EXOC1: variants seen among roughly 807,000 people sequenced by gnomAD.
EXOC1 encodes the protein SEC3-like 1.
EXOC1 carries 67 observed loss-of-function variants against 107.7 expected under a neutral mutation model. That is an observed-to-expected ratio of 0.62 (90% CI 0.51 to 0.76). EXOC1 has a LOEUF of 0.76. EXOC1 is among the 30% of genes least tolerant of loss of function. The pLI, the probability that EXOC1 is intolerant of heterozygous loss-of-function variation, is 0.00. For missense variants in EXOC1, 833 were observed against 1,055.7 expected (o/e 0.79, Z 2.92); for synonymous variants, 348 against 353.5 (o/e 0.98, Z 0.17).
intron 1 of EXOC1, among the ~76,000 whole-genome samples, chr4:55,855,031 G>C (rs1173129427): frequency 6.6e-6 from 1 of 152,182 alleles, no homozygotes; most frequent in Non-Finnish European, 1.5e-5. Context: ...AGTGTAATTA[G>C]GGTTTGGATA....
rs1722354451 is a variant in EXOC1, at chr4:55,870,771, T to G, written c.697T>G (p.Leu233Val). The G allele has an allele frequency of 6.2e-7, 1 of 1,613,754 alleles. No homozygotes were observed. The highest frequency in any genetic ancestry group is 1.1e-5 in the South Asian group (1 of 91,078). Residue 233 changes from leucine (L) to valine (V), a missense_variant, in exon 6 of 19, where the codon TTG (leucine) becomes GTG (valine). By Grantham distance (32) the Leu-to-Val change is conservative. Around this residue, in one of 2 missense-constraint regions of EXOC1, gnomAD observed 617 missense variants for 701.3 expected, o/e 0.88. Transcript: ENST00000381295. The stretch of plus-strand genomic sequence containing the variant: ...TCTAAAGGAGGTAGATCAGATTGAA[T>G]TGAAACTGAGCAGTTATGAGGAAAT... ...EALKEVDQIE[L>V]KLSSYEEMLQ...
intron 15 of EXOC1, among the ~76,000 whole-genome samples, chr4:55,895,809 TAA>T (rs75129403): frequency 0.22 from 33,540 of 152,062 alleles, 3,932 homozygotes; most frequent in East Asian, 0.48. Flanking sequence ...GAACTAAGGC[TAA>T]GTGACTAATA....
chr4:55,867,239 A>T lies in EXOC1; in HGVS notation c.416-1097A>T, dbSNP rs116059174. Among the ~76,000 whole-genome samples, 1,217 of 152,324 alleles carry T rather than the reference A, an allele frequency of 8.0e-3. 24 individuals are homozygous for T. The highest frequency in any genetic ancestry group is 0.027 in the African/African-American group (1,135 of 41,572). On this transcript the variant is annotated intron_variant, in intron 4 of 18. Coordinates refer to ENST00000381295, the MANE Select transcript of EXOC1 (RefSeq NM_001024924.2). ...TGAATTAAATGGACTCGTTGAAAGG[A>T]CAAGGAGATCGGTAATATCTCTCTA...
At chr4:55,862,373 A>T (rs1414226515) in intron 3 of EXOC1, among the ~76,000 whole-genome samples, 1 of 151,794 alleles carries the variant, frequency 6.6e-6, no homozygotes, top group Non-Finnish European at 1.5e-5. Context: ...ATATATGGAT[A>T]TAAAACATAA....
At chr4:55,876,563 A>G (rs1329240786) in intron 8 of EXOC1, 11 of 981,560 alleles carry the variant, frequency 1.1e-5, no homozygotes, top group Non-Finnish European at 1.2e-5. Context: ...TGGCTGTCAG[A>G]ATTACAGAAA....
chr4:55,854,985 A>G (rs1483852195), intron 1 of EXOC1, among the ~76,000 whole-genome samples: 1 of 152,208 alleles, frequency 6.6e-6, no homozygotes, highest in African/African-American at 2.4e-5. Flanking sequence ...ACTTTGGATT[A>G]AGATCTTCAT....
intron 14 of EXOC1, among the ~76,000 whole-genome samples, 173 bp from the exon 15 acceptor site, chr4:55,893,379 C>G (rs370304995): frequency 1.3e-5 from 2 of 152,306 alleles, no homozygotes; most frequent in South Asian, 2.1e-4. Flanking sequence ...CTTGGCCTCT[C>G]AAAGTGCTGG....
At chr4:55,903,661 A>C (rs1726272650) in intron 18 of EXOC1, among the ~76,000 whole-genome samples, 1 of 152,200 alleles carries the variant, frequency 6.6e-6, no homozygotes, top group African/African-American at 2.4e-5. Context: ...ACTTAATACT[A>C]TAATATATTC....
rs758194855 is a variant in EXOC1 at position 55,896,782 on chromosome 4, A to G, written c.2019A>G (p.Pro673=). ...ISKKSKVGIL[P]FVAEFEEFAG... Reference sequence around the variant, plus strand: ...AAAAGAGTAAAGTTGGAATTCTTCCATTTGTTGCTGAATTTGAAGAATTTG... The same window carrying G: ...AAAAGAGTAAAGTTGGAATTCTTCCGTTTGTTGCTGAATTTGAAGAATTTG... The change falls in exon 16 of 19, where the codon CCA becomes CCG. Residue 673 remains proline (P), a synonymous_variant. Coordinates refer to ENST00000381295, the MANE Select transcript of EXOC1 (RefSeq NM_001024924.2). 7 of 1,611,562 alleles carry G rather than the reference A, an allele frequency of 4.3e-6. No homozygotes were observed. Among genetic ancestry groups the G allele is most frequent in the Non-Finnish European group, 5.9e-6 (7 of 1,179,328 alleles).
intron 3 of EXOC1, among the ~76,000 whole-genome samples, chr4:55,863,997 G>A (rs1721723254): frequency 6.6e-6 from 1 of 152,138 alleles, no homozygotes; most frequent in Non-Finnish European, 1.5e-5. Flanking sequence ...GACCTAAAGG[G>A]CATAGGAAGA....
chr4:55,871,577 G>A (rs996667340), intron 7 of EXOC1, among the ~76,000 whole-genome samples: 2 of 152,104 alleles, frequency 1.3e-5, no homozygotes, highest in Non-Finnish European at 2.9e-5. Flanking sequence ...TAAAAACATA[G>A]ATTGCCTGGC....
rs1409852324 is a variant in EXOC1 at position 55,890,271 on chromosome 4, A to G, written c.1424A>G (p.Asn475Ser). The change falls in exon 12 of 19, where the codon AAT (asparagine) becomes AGT (serine). Residue 475 changes from asparagine (N) to serine (S), a missense_variant. Asn to Ser is a conservative substitution (Grantham distance 46). Around this residue, in one of 2 missense-constraint regions of EXOC1, gnomAD observed 617 missense variants for 701.3 expected, o/e 0.88. Transcript: ENST00000381295. ...GKLTGSTSSL[N>S]KLSVQSSGNR... ...TTAACTGGATCTACTTCTAGTCTAA[A>G]TAAGCTCAGTGTTCAGAGTTCAGGG... The G allele has an allele frequency of 1.9e-6, 3 of 1,614,070 alleles. No homozygotes were observed. The highest frequency in any genetic ancestry group is 2.5e-6 in the Non-Finnish European group (3 of 1,179,962).
chr4:55,871,030 G>A, intron 6 of EXOC1, 71 bp from the exon 7 acceptor site: 2 of 1,580,318 alleles, frequency 1.3e-6, no homozygotes, highest in Non-Finnish European at 1.7e-6. Context: ...CTAATGATAG[G>A]ACTGAATAGC....
At position 55,876,639 on chromosome 4, in the gene EXOC1, C is replaced by T. The variant is rs1722923882; in HGVS notation, c.1075-1278C>T. On this transcript the variant is annotated intron_variant, in intron 8 of 18. Transcript: ENST00000381295. Reference sequence around the variant, plus strand: ...GTGGTAGCTGTGAACTTCTGTTGCCCCTGTGTTCTAGTTCTTGTTATTTTG... The same window carrying T: ...GTGGTAGCTGTGAACTTCTGTTGCCTCTGTGTTCTAGTTCTTGTTATTTTG... 4.1e-6 allele frequency: 4 copies of T among 985,228 alleles called. No individual in the cohort carries two copies. In the African/African-American group the frequency reaches 5.2e-5, roughly 13 times the overall value. 61.0% of individuals were successfully genotyped at this position (985,228 alleles called of 1,614,324 possible).
rs763961614 is a variant in EXOC1 at position 55,896,928 on chromosome 4, T to G, written c.2137+28T>G. ...AAGCTTTTGTTATGTTCTAAAGAAT[T>G]GTTATAGCTATTGTTTTTATTTCTG... is the stretch of plus-strand genomic sequence containing the variant. On this transcript the variant is annotated intron_variant, in intron 16 of 18. Coordinates refer to ENST00000381295, the MANE Select transcript of EXOC1 (RefSeq NM_001024924.2). 1.7e-5 allele frequency: 26 copies of G among 1,534,148 alleles called. No homozygotes were observed. The South Asian group carries it at 3.3e-4, about 20-fold the overall frequency.
chr4:55,890,531 G>GT, intron 12 of EXOC1, 145 bp downstream of exon 12: 1 of 299,196 alleles, frequency 3.3e-6, no homozygotes, highest in East Asian at 4.7e-5. Context: ...TCGAATCTGG[G>GT]AAAAAAAAAA....
chr4:55,878,764 C>T (rs564289195), intron 9 of EXOC1, among the ~76,000 whole-genome samples: 2 of 152,198 alleles, frequency 1.3e-5, no homozygotes, highest in South Asian at 4.1e-4. Context: ...AAAATACACG[C>T]TTGTCCTAGA....
intron 8 of EXOC1, among the ~76,000 whole-genome samples, 156 bp downstream of exon 8, chr4:55,872,114 C>T (rs1441374802): frequency 1.3e-5 from 2 of 152,158 alleles, no homozygotes; most frequent in Admixed American, 6.5e-5. Flanking sequence ...CCTCTTTGCT[C>T]ATAGATGTAC....
At chr4:55,887,787 T>C (rs1472827200) in intron 10 of EXOC1, among the ~76,000 whole-genome samples, 2 of 151,530 alleles carry the variant, frequency 1.3e-5, no homozygotes, top group Admixed American at 6.6e-5. Flanking sequence ...CTGCTGAACA[T>C]AGCATAGTGA....
Sources: allele counts gnomAD v4.1 joint callset (sites outside exome capture counted in the v4.1 genomes callset), GRCh38; gene constraint gnomAD v4.1.1; regional missense constraint gnomAD v4.1.1; transcripts MANE v1.5; gene names NCBI Gene and HGNC (gene_info 2026-07-23, HGNC 2026-07-21).